DRAXIN: variants seen among roughly 807,000 people sequenced by gnomAD.
The protein encoded by DRAXIN is dorsal inhibitory axon guidance protein.
DRAXIN carries 27 observed loss-of-function variants against 33.9 expected under a neutral mutation model. The ratio of observed to expected loss-of-function variants is 0.80; its 90% CI spans 0.59 to 1.10. DRAXIN has a LOEUF of 1.10. Ranked by LOEUF, DRAXIN falls within the 50% of genes least tolerant of loss-of-function variation. The pLI is 0.00. For synonymous variants in DRAXIN, 178 were observed against 194.0 expected, an observed-to-expected ratio of 0.92 and a Z score of 0.69; for missense variants, 371 against 460.8, an observed-to-expected ratio of 0.81 and a Z score of 1.78.
rs979175188 is a variant in DRAXIN at position 11,694,948 on chromosome 1, G to A, written c.-11+3095G>A. 5.9e-5 allele frequency among the ~76,000 whole-genome samples: 9 copies of A among 152,144 alleles called. No homozygotes were observed. The highest frequency in any genetic ancestry group is 1.0e-4 in the Non-Finnish European group (7 of 68,020). On this transcript the variant is annotated intron_variant, in intron 1 of 6. Transcript: ENST00000294485. The surrounding 1 kb of genome is among the most constrained non-coding windows in gnomAD (Gnocchi z 4.9). Reference sequence around the variant, plus strand: ...ATGGGGTTGAAGGGGTGGTTATGAGGGATGAGGCTCCTGCTAGAACCCAGA... The same window carrying A: ...ATGGGGTTGAAGGGGTGGTTATGAGAGATGAGGCTCCTGCTAGAACCCAGA...
intron 4 of DRAXIN, 47 bp downstream of exon 4, chr1:11,712,012 T>C: frequency 6.4e-7 from 1 of 1,555,202 alleles, no homozygotes; most frequent in Non-Finnish European, 8.8e-7. Flanking sequence ...TGCCCTGCCC[T>C]CCCGCACCAT....
At position 11,725,363 on chromosome 1, in the gene DRAXIN, C is replaced by G. The variant is rs1031741517; in HGVS notation, c.*5667C>G. On this transcript the variant is annotated 3_prime_UTR_variant, in exon 7 of 7. Coordinates refer to ENST00000294485, the MANE Select transcript of DRAXIN (RefSeq NM_198545.4). ...AAGAAATGTAGATTCTTGGGCCCCA[C>G]CACCCCACGCCTACTGAGCCAGAAT... The G allele has an allele frequency of 6.6e-6, 1 of 152,206 alleles. No individual in the cohort carries two copies. Among genetic ancestry groups the G allele is most frequent in the Non-Finnish European group, 1.5e-5 (1 of 68,036 alleles). 9.4% of individuals were successfully genotyped at this position (152,206 alleles called of 1,614,324 possible). A position where few individuals can be genotyped will look rare whatever the true frequency, so the allele number is the denominator to read the frequency against.
At chr1:11,709,501 G>T in intron 3 of DRAXIN, 36 bp downstream of exon 3, 1 of 1,583,942 alleles carries the variant, frequency 6.3e-7, no homozygotes, top group Non-Finnish European at 8.6e-7. Flanking sequence ...ATCTGGAAGG[G>T]TCCTTGAGCC....
intron 1 of DRAXIN, among the ~76,000 whole-genome samples, chr1:11,703,747 G>A (rs1396457400): frequency 6.6e-6 from 1 of 152,184 alleles, no homozygotes; most frequent in Non-Finnish European, 1.5e-5. Context: ...GGCTGCGTGG[G>A]TGATATGTGG....
rs185062670 is a variant in DRAXIN at position 11,713,603 on chromosome 1, G to A, written c.847+1174G>A. On this transcript the variant is annotated intron_variant, in intron 5 of 6. Transcript: ENST00000294485. ...GCAGATACTGAGGTAAGTTAGAAGT[G>A]TGAGACCGGGTGCAGTGGCTCACAC... 1.4e-4 allele frequency among the ~76,000 whole-genome samples: 21 copies of A among 152,166 alleles called. 1 individual carries two copies. The highest frequency in any genetic ancestry group is 4.6e-4 in the African/African-American group (19 of 41,516).
At chr1:11,709,922 C>T (rs976116139) in intron 3 of DRAXIN, among the ~76,000 whole-genome samples, 39 of 152,218 alleles carry the variant, frequency 2.6e-4, no homozygotes, top group African/African-American at 9.2e-4. Context: ...CGCGGTGGCT[C>T]ATGCCTGTAA....
chr1:11,690,459 T>C (rs1001096536), upstream of DRAXIN, among the ~76,000 whole-genome samples: 9 of 152,198 alleles, frequency 5.9e-5, no homozygotes, highest in African/African-American at 2.2e-4. The surrounding 1 kb of genome is among the most constrained non-coding windows in gnomAD (Gnocchi z 4.2). Context: ...CATTCACGCC[T>C]AGAACACTGA....
chr1:11,694,539 CT>C lies in DRAXIN; in HGVS notation c.-11+2687del, dbSNP rs1351695456. ...TGAAGCCCAGCTGATCACTTAGCAG[CT>C]GTGGGACCCAGAGGGAGTTCCTTCA... On this transcript the variant is annotated intron_variant, in intron 1 of 6. Transcript: ENST00000294485. The surrounding 1 kb of genome is among the most constrained non-coding windows in gnomAD (Gnocchi z 4.9). Among the ~76,000 whole-genome samples the C allele has an allele frequency of 6.6e-6, 1 of 152,170 alleles. No homozygotes were observed. Among genetic ancestry groups the C allele is most frequent in the Non-Finnish European group, 1.5e-5 (1 of 68,026 alleles).
At chr1:11,688,483 C>T (rs1324495545), upstream of DRAXIN, among the ~76,000 whole-genome samples, 2 of 151,990 alleles carry the variant, frequency 1.3e-5, no homozygotes, top group African/African-American at 2.4e-5. The surrounding 1 kb of genome is among the most constrained non-coding windows in gnomAD (Gnocchi z 4.6). Context: ...ATCGCTTGAA[C>T]TTGGGAGGCA....
At position 11,705,114 on chromosome 1, in the gene DRAXIN, G is replaced by A. The variant is rs1294725341; in HGVS notation, c.-10-1135G>A. ...AGGCCCACCAACCTTTTCTCAGCCC[G>A]GGACAATTATATGGCCACAAATCAC... is the stretch of plus-strand genomic sequence containing the variant. On this transcript the variant is annotated intron_variant, in intron 1 of 6. Transcript: ENST00000294485. The surrounding 1 kb of genome is among the most constrained non-coding windows in gnomAD (Gnocchi z 4.8). Among the ~76,000 whole-genome samples the A allele has an allele frequency of 4.6e-5, 7 of 152,190 alleles. No individual in the cohort carries two copies. Among genetic ancestry groups the A allele is most frequent in the Non-Finnish European group, 8.8e-5 (6 of 68,020 alleles).
intron 1 of DRAXIN, among the ~76,000 whole-genome samples, chr1:11,693,125 A>C (rs1641112202): frequency 6.6e-6 from 1 of 151,706 alleles, no homozygotes; most frequent in Admixed American, 6.6e-5. Flanking sequence ...AGGCGTCCAC[A>C]CCCTTGCAAG....
chr1:11,700,435 C>T (rs1029905513), intron 1 of DRAXIN, among the ~76,000 whole-genome samples: 1 of 152,186 alleles, frequency 6.6e-6, no homozygotes, highest in African/African-American at 2.4e-5. Flanking sequence ...AACTGCTCAC[C>T]TTATATCCCT....
Position 11,709,337 on chromosome 1 carries a change from G to C in DRAXIN, c.514G>C (p.Val172Leu), listed in dbSNP as rs763681080. Residue 172 changes from valine to leucine, a missense_variant, in exon 3 of 7, where the codon GTG becomes CTG. Coordinates refer to ENST00000294485, the MANE Select transcript of DRAXIN (RefSeq NM_198545.4). ...MKKAELSEAQ[V>L]LDAAMEESST... ...GAAGGCAGAGCTCTCCGAAGCCCAG[G>C]TGCTGGATGCAGCCATGGAGGAATC... The C allele has an allele frequency of 1.2e-6, 2 of 1,613,966 alleles. No homozygotes were observed. The highest frequency in any genetic ancestry group is 4.5e-5 in the East Asian group (2 of 44,884).
In DRAXIN at chr1:11,706,842, G is replaced by A. The variant is rs1038507132; in HGVS notation, c.451+133G>A. 1.2e-4 allele frequency: 116 copies of A among 1,006,700 alleles called. No individual in the cohort carries two copies. The highest frequency in any genetic ancestry group is 3.3e-4 in the Middle Eastern group (1 of 2,996). The allele number at this position is 1,006,700 out of a possible 1,614,324, so 62.4% of individuals were successfully genotyped here. ...GGAGGGGTCTCACTGAAGCCAGAGG[G>A]ACCTGGTAAGGGGAGGAGGCTGGGA... On this transcript the variant is annotated intron_variant, in intron 2 of 6. Transcript: ENST00000294485. The surrounding 1 kb of genome is among the most constrained non-coding windows in gnomAD (Gnocchi z 5.5).
rs1641682448 is a variant in DRAXIN at position 11,723,266 on chromosome 1, C to T, written c.*3570C>T. 1.3e-5 allele frequency: 2 copies of T among 152,256 alleles called. No homozygotes were observed. Among genetic ancestry groups the T allele is most frequent in the East Asian group, 1.9e-4 (1 of 5,204 alleles). The allele number at this position is 152,256 out of a possible 1,614,324, so 9.4% of individuals were successfully genotyped here. ...TTGCCAACCCCTGCTCAAGCCTGCT[C>T]ACTCTCAACGCTGGCTGCACGTTGC... On this transcript the variant is annotated 3_prime_UTR_variant, in exon 7 of 7. Transcript: ENST00000294485.
chr1:11,706,830 T>C lies in DRAXIN; in HGVS notation c.451+121T>C. ...GTCCAGAGGAGAGGAGGGGTCTCAC[T>C]GAAGCCAGAGGGACCTGGTAAGGGG... On this transcript the variant is annotated intron_variant, in intron 2 of 6. Transcript: ENST00000294485. The surrounding 1 kb of genome is among the most constrained non-coding windows in gnomAD (Gnocchi z 5.5). The C allele has an allele frequency of 8.6e-7, 1 of 1,167,890 alleles. No individual in the cohort carries two copies. The highest frequency in any genetic ancestry group is 2.6e-5 in the East Asian group (1 of 38,052). 72.3% of individuals were successfully genotyped at this position (1,167,890 alleles called of 1,614,324 possible). A position where few individuals can be genotyped will look rare whatever the true frequency, so the allele number is the denominator to read the frequency against.
chr1:11,719,673 C>A lies in DRAXIN; in HGVS notation c.1027C>A (p.Gln343Lys). Residue 343 changes from glutamine to lysine, a missense_variant, in exon 7 of 7, where the codon CAG becomes AAG. Physicochemically the swap from Gln to Lys is moderately conservative, Grantham distance 53. Transcript: ENST00000294485. ...GGAGCCCGAGACGGCCAACGGCGAC[C>A]AGGGATCCTTCATCAACGTCTAGCG... ...CVEPETANGD[Q>K]GSFINV 6.2e-7 allele frequency: 1 copy of A among 1,614,082 alleles called. No individual in the cohort carries two copies. The highest frequency in any genetic ancestry group is 8.5e-7 in the Non-Finnish European group (1 of 1,179,974).
Position 11,703,492 on chromosome 1 carries a change from T to G in DRAXIN, c.-10-2757T>G, listed in dbSNP as rs148770291. 5.7e-4 allele frequency among the ~76,000 whole-genome samples: 86 copies of G among 152,136 alleles called. 2 individuals carry two copies. In the East Asian group the frequency reaches 0.016, roughly 28 times the overall value. ...GCCTGTGAAGGGGAGAAAGTAGAAG[T>G]TGGAGCTGCAAAGCTTGGTTGGGGC... On this transcript the variant is annotated intron_variant, in intron 1 of 6. Transcript: ENST00000294485.
intron 1 of DRAXIN, among the ~76,000 whole-genome samples, chr1:11,703,059 T>C (rs116145947): frequency 0.015 from 2,295 of 152,302 alleles, 70 homozygotes; most frequent in African/African-American, 0.052. Context: ...ATAAATTGGA[T>C]TGTGCTCAAT....
Sources: allele counts gnomAD v4.1 joint callset (sites outside exome capture counted in the v4.1 genomes callset), GRCh38; gene constraint gnomAD v4.1.1; non-coding constraint Gnocchi (gnomAD v3.1); transcripts MANE v1.5; gene names NCBI Gene and HGNC (gene_info 2026-07-23, HGNC 2026-07-21).